Variants in RALGDS observed in about 807,000 individuals in gnomAD.
RALGDS encodes ral guanine nucleotide exchange factor.
RALGDS carries 44 observed loss-of-function variants against 99.8 expected under a neutral mutation model. That is an observed-to-expected ratio of 0.44 (90% CI 0.35 to 0.57). The LOEUF (loss-of-function observed/expected upper bound fraction) is 0.57, where lower values mean the gene tolerates loss of function less well. RALGDS is among the 20% of genes least tolerant of loss of function. The pLI, the probability that RALGDS is intolerant of heterozygous loss-of-function variation, is 0.01. For missense variants in RALGDS, 1,022 were observed against 1,203.1 expected (o/e 0.85, Z 2.23); for synonymous variants, 529 against 505.0 (o/e 1.05, Z -0.64).
upstream of RALGDS, among the ~76,000 whole-genome samples, chr9:133,121,700 T>G (rs1431979656): frequency 6.6e-6 from 1 of 152,236 alleles, no homozygotes. Context: ...AGCCTCACTG[T>G]TTCTTCATCT....
Position 133,108,291 on chromosome 9 carries a change from T to C in RALGDS, c.894A>G (p.Thr298=). ...APAPEPEPAP[T]PAPGSELEVA... is the part of the protein sequence containing the mutation. ...CTTCTAGCTCTGAACCTGGAGCTGG[T>C]GTTGGAGCTGGCTCTGGCTCCGGGG... Residue 298 remains threonine, a synonymous_variant, in exon 6 of 18, where the codon ACA becomes ACG. Coordinates refer to ENST00000372050, the MANE Select transcript of RALGDS (RefSeq NM_006266.4). 6.4e-7 allele frequency: 1 copy of C among 1,557,990 alleles called. No individual in the cohort carries two copies. The highest frequency in any genetic ancestry group is 2.4e-5 in the East Asian group (1 of 41,648).
chr9:133,133,451 G>A (rs1832377215), upstream of RALGDS, among the ~76,000 whole-genome samples: 1 of 152,212 alleles, frequency 6.6e-6, no homozygotes, highest in Non-Finnish European at 1.5e-5. Flanking sequence ...CAGCCTGGGG[G>A]AGAGCAGGGT....
chr9:133,140,836 A>G (rs1438649384), intron 1 of RALGDS, among the ~76,000 whole-genome samples: 2 of 152,114 alleles, frequency 1.3e-5, no homozygotes, highest in African/African-American at 4.8e-5. Flanking sequence ...ATCCGGCAAG[A>G]ACGTGGGCCG....
chr9:133,102,695 C>T, intron 13 of RALGDS, 84 bp downstream of exon 13: 1 of 1,603,578 alleles, frequency 6.2e-7, no homozygotes, highest in Non-Finnish European at 8.5e-7. Flanking sequence ...TGAGGCTGAC[C>T]ATGGGTCATA....
intron 9 of RALGDS, 134 bp from the exon 10 acceptor site, chr9:133,104,465 C>T (rs1830918649): frequency 1.2e-6 from 1 of 821,420 alleles, no homozygotes; most frequent in Middle Eastern, 2.6e-4. Context: ...GGGTCCTGGG[C>T]CGGTGGCCTG....
chr9:133,111,369 C>G (rs590285), intron 2 of RALGDS, among the ~76,000 whole-genome samples: 37,390 of 151,516 alleles, frequency 0.25, 4,810 homozygotes, highest in East Asian at 0.36. Flanking sequence ...CAACCTCAGC[C>G]TCCTGGGCTG....
intron 10 of RALGDS, among the ~76,000 whole-genome samples, 153 bp from the exon 11 acceptor site, chr9:133,103,986 T>C (rs1830892435): frequency 6.6e-6 from 1 of 151,966 alleles, no homozygotes; most frequent in Non-Finnish European, 1.5e-5. Flanking sequence ...CCTCTAGCCA[T>C]CTCCCTGGCT....
chr9:133,112,086 C>A lies in RALGDS; in HGVS notation c.250G>T (p.Val84Leu), dbSNP rs1310037579. 1.3e-6 allele frequency: 2 copies of A among 1,586,326 alleles called. No individual in the cohort carries two copies. The change falls in exon 2 of 18, where the codon GTG (valine) becomes TTG (leucine). Residue 84 changes from valine to leucine, a missense_variant. Physicochemically the swap from Val to Leu is conservative, Grantham distance 32 (BLOSUM62 1). Around this residue, in one of 3 missense-constraint regions of RALGDS, gnomAD observed 180 missense variants for 169.3 expected, o/e 1.06. Transcript: ENST00000372050. ...TTGTTGCCTCCGTGGTGCAGCTGCA[C>A]CTTGCGCAGGGAGATGGAGTAGATG... is the stretch of plus-strand genomic sequence containing the variant. ...GVIYSISLRK[V>L]QLHHGGNKGQ...
chr9:133,102,668 C>A (rs1425581838), intron 13 of RALGDS, 97 bp from the exon 14 acceptor site: 4 of 1,605,786 alleles, frequency 2.5e-6, no homozygotes, highest in Non-Finnish European at 3.4e-6. Context: ...CCCCGGCCAT[C>A]CTCAGGCAAC....
At chr9:133,105,824 A>ACC in intron 9 of RALGDS, 108 bp downstream of exon 9, 2 of 72,276 alleles carry the variant, frequency 2.8e-5, no homozygotes, top group South Asian at 1.3e-4. Context: ...CCGCCGCCCC[A>ACC]GCCCCCGCCC....
rs1399176372 is a variant in RALGDS, at chr9:133,110,443, C to T, written c.341G>A (p.Arg114Gln). The change falls in exon 3 of 18, where the codon CGG (arginine) becomes CAG (glutamine). Residue 114 changes from arginine (R) to glutamine (Q), a missense_variant. Arg to Gln is a conservative substitution (Grantham distance 43). This residue lies in a region of RALGDS where 180 missense variants were observed against 169.3 expected (regional missense o/e 1.06). Coordinates refer to ENST00000372050, the MANE Select transcript of RALGDS (RefSeq NM_006266.4). ...ALNLYETCKV[R>Q]TVKAGTLEKL... is the part of the protein sequence containing the mutation. ...CTCCAGCGTGCCAGCCTTCACGGTC[C>T]GCACCTTGCAAGTCTCATAAAGGTT... is the stretch of plus-strand genomic sequence containing the variant. The T allele has an allele frequency of 6.2e-6, 10 of 1,613,302 alleles. No homozygotes were observed. Among genetic ancestry groups the T allele is most frequent in the Non-Finnish European group, 8.5e-6 (10 of 1,179,922 alleles).
chr9:133,108,826 A>C lies in RALGDS; in HGVS notation c.625T>G (p.Ser209Ala). The C allele has an allele frequency of 6.2e-7, 1 of 1,613,200 alleles. No individual in the cohort carries two copies. Reference sequence around the variant, plus strand: ...TCCGGAGGTTGACAGAAATCCTCCGAGTACTGGTCCAGCCAGGTGCCCAGG... The same window carrying C: ...TCCGGAGGTTGACAGAAATCCTCCGCGTACTGGTCCAGCCAGGTGCCCAGG... ...SILGTWLDQY[S>A]EDFCQPPDFP... Residue 209 changes from serine to alanine, a missense_variant, in exon 5 of 18, where the codon TCG becomes GCG. Coordinates refer to ENST00000372050, the MANE Select transcript of RALGDS (RefSeq NM_006266.4).
At chr9:133,126,004 G>C (rs573721788), upstream of RALGDS, among the ~76,000 whole-genome samples, 317 of 152,306 alleles carry the variant, frequency 2.1e-3, 2 homozygotes, top group African/African-American at 7.4e-3. Context: ...GAGATGGCTG[G>C]GGGCAGTCCA....
intron 17 of RALGDS, chr9:133,100,009 A>G: frequency 3.6e-6 from 2 of 551,498 alleles, no homozygotes; most frequent in Non-Finnish European, 3.3e-6. Flanking sequence ...TGTCCCAGTG[A>G]AAAATGCCTT....
chr9:133,135,162 T>C (rs1832405835), upstream of RALGDS, among the ~76,000 whole-genome samples: 1 of 152,108 alleles, frequency 6.6e-6, no homozygotes, highest in East Asian at 1.9e-4. Context: ...GGGGAGGACC[T>C]TTCCCCTGCT....
At chr9:133,101,808 C>T (rs1328472123) in intron 15 of RALGDS, 46 bp from the exon 16 acceptor site, 21 of 1,563,264 alleles carry the variant, frequency 1.3e-5, no homozygotes, top group Admixed American at 1.2e-4. Context: ...CCTGTGGGGG[C>T]ACCCCAGGCC....
Position 133,110,335 on chromosome 9 carries a change from AAGG to A in RALGDS, c.446_448del (p.Ala149_Phe150delinsVal). On this transcript the variant is annotated inframe_deletion, in exon 3 of 18. Transcript: ENST00000372050. ...GTCCAGGACCTGTTGGGTGGTGGTG[AAGG>A]CTCTATAGGTACACAGGAAGATGGT... 1.2e-6 allele frequency: 2 copies of A among 1,613,896 alleles called. No homozygotes were observed. Among genetic ancestry groups the A allele is most frequent in the Non-Finnish European group, 1.7e-6 (2 of 1,179,996 alleles).
chr9:133,109,825 T>C, intron 3 of RALGDS, 104 bp from the exon 4 acceptor site: 4 of 882,668 alleles, frequency 4.5e-6, no homozygotes. Flanking sequence ...TTATATTAAA[T>C]GCCTAGAAAA....
At chr9:133,109,286 G>C (rs1831224092) in intron 4 of RALGDS, among the ~76,000 whole-genome samples, 1 of 152,198 alleles carries the variant, frequency 6.6e-6, no homozygotes, top group Non-Finnish European at 1.5e-5. Context: ...TCACTATTGA[G>C]GGGTGAGGCA....
Sources: allele counts gnomAD v4.1 joint callset (sites outside exome capture counted in the v4.1 genomes callset), GRCh38; gene constraint gnomAD v4.1.1; regional missense constraint gnomAD v4.1.1; transcripts MANE v1.5; gene names NCBI Gene and HGNC (gene_info 2026-07-23, HGNC 2026-07-21).